The following DDX52 variants were observed in gnomAD, a reference collection of about 807,000 sequenced individuals.
DDX52 encodes DExD-box helicase 52.
Under a neutral mutation model 76.1 loss-of-function variants are expected in DDX52, and 59 were observed. The observed-to-expected ratio is 0.78, with a 90% CI of 0.63 to 0.96. The LOEUF is 0.96. Ranked by LOEUF, DDX52 falls within the 40% of genes least tolerant of loss-of-function variation. The pLI is 0.00. For missense variants in DDX52, 707 were observed against 703.9 expected (o/e 1.00, Z -0.05); for synonymous variants, 231 against 244.1 (o/e 0.95, Z 0.50).
intron 2 of DDX52, chr17:37,639,426 A>C (rs1201017630): frequency 1.0e-6 from 1 of 991,188 alleles, no homozygotes; most frequent in Non-Finnish European, 1.2e-6. Flanking sequence ...CAAGCTATTC[A>C]ATTTTCCAGT....
rs888292312 is a variant in DDX52, at chr17:37,611,024, T to A, written c.*3272A>T. The A allele has an allele frequency of 6.6e-6, 1 of 152,356 alleles. No homozygotes were observed. The highest frequency in any genetic ancestry group is 3.4e-3 in the Middle Eastern group (1 of 294). The allele number at this position is 152,356 out of a possible 1,614,324, so 9.4% of individuals were successfully genotyped here. A position where few individuals can be genotyped will look rare whatever the true frequency, so the allele number is the denominator to read the frequency against. On this transcript the variant is annotated 3_prime_UTR_variant, in exon 15 of 15. Coordinates refer to ENST00000617633, the MANE Select transcript of DDX52 (RefSeq NM_007010.5). ...CAAGGATCATAGATGTGACCTCAGT[T>A]TGTCCTGGAATCCTTTTTGTTCCTC...
intron 6 of DDX52, among the ~76,000 whole-genome samples, chr17:37,627,355 G>A (rs1052917656): frequency 5.9e-5 from 9 of 152,018 alleles, no homozygotes; most frequent in East Asian, 3.9e-4. Flanking sequence ...GACTACAGGC[G>A]CCCGCCACCA....
In DDX52 at chr17:37,613,478, A is replaced by G. The variant is rs1015996643; in HGVS notation, c.*818T>C. On this transcript the variant is annotated 3_prime_UTR_variant, in exon 15 of 15. Coordinates refer to ENST00000617633, the MANE Select transcript of DDX52 (RefSeq NM_007010.5). ...AGGAAAGAACATGGTTAAATCACAGAAAATGAAGAAAGGGAGAAGCTGATC... is the reference window on the plus strand; with the variant it reads ...AGGAAAGAACATGGTTAAATCACAGGAAATGAAGAAAGGGAGAAGCTGATC... 1 of 152,248 alleles carries G rather than the reference A, an allele frequency of 6.6e-6. No individual in the cohort carries two copies. 9.4% of individuals were successfully genotyped at this position (152,248 alleles called of 1,614,324 possible).
At chr17:37,633,714 A>G (rs947048073) in intron 2 of DDX52, among the ~76,000 whole-genome samples, 1 of 151,916 alleles carries the variant, frequency 6.6e-6, no homozygotes, top group Non-Finnish European at 1.5e-5. Context: ...CAAGAAAGCC[A>G]TACCTTCACA....
chr17:37,622,257 A>G (rs1261781491), intron 9 of DDX52, among the ~76,000 whole-genome samples: 3 of 151,460 alleles, frequency 2.0e-5, no homozygotes, highest in African/African-American at 7.3e-5. Flanking sequence ...CAAACCAGCT[A>G]TCTTTTTAAC....
intron 2 of DDX52, among the ~76,000 whole-genome samples, chr17:37,636,712 A>G (rs1441685868): frequency 6.6e-6 from 1 of 152,218 alleles, no homozygotes; most frequent in Non-Finnish European, 1.5e-5. Context: ...TATGGGGACA[A>G]AGAAATCACC....
chr17:37,619,898 G>GT (rs1457792097), intron 12 of DDX52, 59 bp from the exon 13 acceptor site: 1 of 1,541,682 alleles, frequency 6.5e-7, no homozygotes, highest in African/African-American at 1.4e-5. Context: ...GTTTATGAAT[G>GT]TAAACCCTCT....
Position 37,624,440 on chromosome 17 carries a change from A to T in DDX52, c.1137-6T>A. 6.3e-7 allele frequency: 1 copy of T among 1,598,738 alleles called. No individual in the cohort carries two copies. Among genetic ancestry groups the T allele is most frequent in the Non-Finnish European group, 8.5e-7 (1 of 1,170,424 alleles). ...CAGTTTCTACTGCAGAATTCCTGGG[A>T]AGAAAATATACCTTGTAGTTTGTAA... is the stretch of plus-strand genomic sequence containing the variant. On this transcript the variant is annotated splice_region_variant and splice_polypyrimidine_tract_variant and intron_variant, in intron 8 of 14. Transcript: ENST00000617633.
At chr17:37,628,205 G>A (rs898741982) in intron 6 of DDX52, among the ~76,000 whole-genome samples, 1 of 152,286 alleles carries the variant, frequency 6.6e-6, no homozygotes, top group Middle Eastern at 3.4e-3. Flanking sequence ...AGTGTTCGTT[G>A]CAGGGGACTG....
At chr17:37,638,974 G>C (rs986394635) in intron 2 of DDX52, among the ~76,000 whole-genome samples, 1 of 151,930 alleles carries the variant, frequency 6.6e-6, no homozygotes, top group Non-Finnish European at 1.5e-5. Flanking sequence ...GTTTCACCAT[G>C]TTGGCCAGGC....
In DDX52 at chr17:37,612,362, C is replaced by T. The variant is rs2064377917; in HGVS notation, c.*1934G>A. The T allele has an allele frequency of 6.6e-6, 1 of 152,144 alleles. No homozygotes were observed. The highest frequency in any genetic ancestry group is 1.5e-5 in the Non-Finnish European group (1 of 68,048). The allele number at this position is 152,144 out of a possible 1,614,324, so 9.4% of individuals were successfully genotyped here. ...GAAGTGTTAGGATTACAGGCATGAG[C>T]CACTACGCCTGGCCAAGAAAAATAT... On this transcript the variant is annotated 3_prime_UTR_variant, in exon 15 of 15. Transcript: ENST00000617633.
At chr17:37,636,466 C>G (rs1239920060) in intron 2 of DDX52, among the ~76,000 whole-genome samples, 1 of 152,154 alleles carries the variant, frequency 6.6e-6, no homozygotes, top group Admixed American at 6.5e-5. Context: ...CATGGAAAAT[C>G]CGTATTATGA....
chr17:37,638,418 A>G (rs527503708), intron 2 of DDX52, among the ~76,000 whole-genome samples: 3 of 152,372 alleles, frequency 2.0e-5, no homozygotes, highest in African/African-American at 7.2e-5. Context: ...ATATAAGGCC[A>G]TAGTATTTAA....
chr17:37,638,833 G>C (rs112900918), intron 2 of DDX52, among the ~76,000 whole-genome samples: 24 of 146,342 alleles, frequency 1.6e-4, no homozygotes, highest in African/African-American at 5.9e-4. Context: ...GCAGAGGCAT[G>C]ATCTCAGCTC....
chr17:37,636,295 T>C (rs944982886), intron 2 of DDX52, among the ~76,000 whole-genome samples: 1 of 152,202 alleles, frequency 6.6e-6, no homozygotes, highest in Non-Finnish European at 1.5e-5. Context: ...TGATGTTCAC[T>C]TTTTTCCCCA....
chr17:37,626,187 G>T, intron 7 of DDX52, 89 bp from the exon 8 acceptor site: 1 of 1,357,600 alleles, frequency 7.4e-7, no homozygotes, highest in Non-Finnish European at 1.0e-6. Context: ...ACATGAGGAA[G>T]TCAAACTATA....
chr17:37,626,693 C>T lies in DDX52; in HGVS notation c.932+95G>A, dbSNP rs2030391478. The stretch of plus-strand genomic sequence containing the variant: ...AACACTGACTGAAGGTGGCAAACAG[C>T]AAGCTCCAAAGACAAAAAATACAAG... On this transcript the variant is annotated intron_variant, in intron 7 of 14. Transcript: ENST00000617633. 6 of 1,271,788 alleles carry T rather than the reference C, an allele frequency of 4.7e-6. No individual in the cohort carries two copies. The East Asian group carries it at 1.4e-4, about 30-fold the overall frequency. The allele number at this position is 1,271,788 out of a possible 1,614,324, so 78.8% of individuals were successfully genotyped here. A position where few individuals can be genotyped will look rare whatever the true frequency, so the allele number is the denominator to read the frequency against.
chr17:37,641,214 A>C (rs557860510), intron 2 of DDX52, among the ~76,000 whole-genome samples: 29 of 152,170 alleles, frequency 1.9e-4, no homozygotes, highest in Admixed American at 5.2e-4. Flanking sequence ...CATCCTGGCT[A>C]ACACGATGAA....
intron 6 of DDX52, among the ~76,000 whole-genome samples, chr17:37,627,474 T>A (rs2030444037): frequency 6.6e-6 from 1 of 152,160 alleles, no homozygotes; most frequent in Admixed American, 6.5e-5. Context: ...CTCGAATTCC[T>A]GGGCTCAAGC....
Sources: gnomAD v4.1 joint callset for allele counts (sites outside exome capture counted in the v4.1 genomes callset) on GRCh38, gnomAD v4.1.1 for gene constraint, MANE v1.5 for transcripts, NCBI Gene and HGNC (gene_info 2026-07-23, HGNC 2026-07-21) for gene names.